Variants in HACD3 observed in about 807,000 individuals in gnomAD.
HACD3 encodes very-long-chain (3R)-3-hydroxyacyl-CoA dehydratase 3.
Under a neutral mutation model 55.2 loss-of-function variants are expected in HACD3, and 30 were observed. The observed-to-expected ratio is 0.54, with a 90% CI of 0.41 to 0.74. The LOEUF is 0.74. HACD3 is among the 30% of genes least tolerant of loss of function. The probability of loss-of-function intolerance (pLI) is 0.00; values close to 1 mark genes in which losing one functional copy is unlikely to be tolerated. For missense variants in HACD3, 363 were observed against 440.1 expected (o/e 0.82, Z 1.57); for synonymous variants, 141 against 151.7 (o/e 0.93, Z 0.52).
intron 1 of HACD3, 55 bp from the exon 2 acceptor site, chr15:65,551,621 C>A: frequency 6.2e-7 from 1 of 1,600,578 alleles, no homozygotes; most frequent in Non-Finnish European, 8.6e-7. Context: ...CTTGTTTAAT[C>A]TCATTTTTTC....
In HACD3 at chr15:65,564,122, A is replaced by G. The variant is rs1247597776; in HGVS notation, c.533-93A>G. 2.1e-6 allele frequency: 3 copies of G among 1,431,158 alleles called. No homozygotes were observed. In the South Asian group the frequency reaches 3.6e-5, roughly 17 times the overall value. The allele number at this position is 1,431,158 out of a possible 1,614,324, so 88.7% of individuals were successfully genotyped here. On this transcript the variant is annotated intron_variant, in intron 6 of 10. Transcript: ENST00000261875. ...TGGATGTTTGTTATTCCTTTCTTAC[A>G]GTTATTTTCACGAAAGGAGTAATCT...
intron 2 of HACD3, 54 bp from the exon 3 acceptor site, chr15:65,554,833 T>G: frequency 7.5e-7 from 1 of 1,324,618 alleles, no homozygotes; most frequent in Non-Finnish European, 1.1e-6. Flanking sequence ...AGCTGGCTTT[T>G]GGATGGCCTT....
At chr15:65,542,055 G>A (rs1178333052) in intron 1 of HACD3, among the ~76,000 whole-genome samples, 2 of 151,180 alleles carry the variant, frequency 1.3e-5, no homozygotes, top group Non-Finnish European at 3.0e-5. Flanking sequence ...ATGGTGAAAC[G>A]GTGTCTCTAC....
intron 5 of HACD3, among the ~76,000 whole-genome samples, chr15:65,559,549 C>G (rs1451217326): frequency 6.6e-6 from 1 of 151,100 alleles, no homozygotes; most frequent in Non-Finnish European, 1.5e-5. Flanking sequence ...AAACTGTGTT[C>G]CATGGTGCCC....
chr15:65,544,219 T>C (rs1353483564), intron 1 of HACD3, among the ~76,000 whole-genome samples: 1 of 151,816 alleles, frequency 6.6e-6, no homozygotes, highest in African/African-American at 2.4e-5. Flanking sequence ...GAGCCCATAG[T>C]GAAAGTAAAA....
intron 7 of HACD3, 175 bp downstream of exon 7, chr15:65,564,517 G>C (rs899823850): frequency 7.4e-6 from 6 of 811,492 alleles, no homozygotes; most frequent in Admixed American, 3.3e-5. Flanking sequence ...AAGGTCTCAC[G>C]ATCATGGTGG....
intron 1 of HACD3, among the ~76,000 whole-genome samples, chr15:65,542,783 TA>T (rs201911848): frequency 6.6e-6 from 1 of 151,464 alleles, no homozygotes; most frequent in African/African-American, 2.4e-5. Context: ...AAAATTGTCT[TA>T]AAAAAAACAG....
intron 8 of HACD3, 33 bp from the exon 9 acceptor site, chr15:65,571,515 G>C: frequency 2.0e-6 from 3 of 1,525,496 alleles, no homozygotes; most frequent in Non-Finnish European, 2.7e-6. Flanking sequence ...ACCTGAAGTG[G>C]CTTTTCACAT....
At chr15:65,571,861 G>A (rs776334623) in intron 9 of HACD3, among the ~76,000 whole-genome samples, 50 of 152,232 alleles carry the variant, frequency 3.3e-4, no homozygotes, top group Non-Finnish European at 6.0e-4. Context: ...TGGAAAGCCA[G>A]GTGGTTATGT....
rs1264231950 is a variant in HACD3 at position 65,576,365 on chromosome 15, A to G, written c.1075A>G (p.Lys359Glu). The G allele has an allele frequency of 6.2e-7, 1 of 1,600,374 alleles. No homozygotes were observed. The highest frequency in any genetic ancestry group is 1.3e-5 in the African/African-American group (1 of 74,580). The change falls in exon 11 of 11, where the codon AAA becomes GAA. Residue 359 changes from lysine (K) to glutamate (E), a missense_variant. By Grantham distance (56) the Lys-to-Glu change is moderately conservative. Coordinates refer to ENST00000261875, the MANE Select transcript of HACD3 (RefSeq NM_016395.4). ...CAGACGGCGCTATGGACAAAAAAAG[A>G]AAAAGATCCACTAAAAAGAAAGATT... ...QRRRRYGQKK[K>E]KIH
chr15:65,564,804 A>G (rs2072276464), intron 7 of HACD3: 1 of 155,032 alleles, frequency 6.5e-6, no homozygotes. Context: ...ATACCCTCAC[A>G]TTTCAAAACC....
chr15:65,571,697 G>A (rs775456604), intron 9 of HACD3, 43 bp downstream of exon 9: 37 of 1,458,646 alleles, frequency 2.5e-5, no homozygotes, highest in Non-Finnish European at 1.5e-5. Flanking sequence ...AGCTCCAGGG[G>A]GTACCCAGAG....
chr15:65,546,988 G>A (rs994151726), intron 1 of HACD3, among the ~76,000 whole-genome samples: 4 of 152,168 alleles, frequency 2.6e-5, no homozygotes, highest in Admixed American at 6.5e-5. Context: ...AGAAATCCAC[G>A]TATAAGCCTC....
chr15:65,533,839 C>A (rs1251626319), intron 1 of HACD3, among the ~76,000 whole-genome samples: 1 of 151,504 alleles, frequency 6.6e-6, no homozygotes. Context: ...ATCATGAGGT[C>A]AGGAGATCGA....
At chr15:65,547,994 T>C (rs2072093556) in intron 1 of HACD3, among the ~76,000 whole-genome samples, 1 of 152,190 alleles carries the variant, frequency 6.6e-6, no homozygotes, top group African/African-American at 2.4e-5. Flanking sequence ...AGGAAACTGT[T>C]GATTCTGATG....
At position 65,572,278 on chromosome 15, in the gene HACD3, A is replaced by G. The variant is rs775618115; in HGVS notation, c.924A>G (p.Gly308=). 6.2e-7 allele frequency: 1 copy of G among 1,613,416 alleles called. No individual in the cohort carries two copies. Among genetic ancestry groups the G allele is most frequent in the South Asian group, 1.1e-5 (1 of 90,834 alleles). The change falls in exon 10 of 11, where the codon GGA becomes GGG. Residue 308 remains glycine, a synonymous_variant. Transcript: ENST00000261875. ...CCATTCCAATATTCAATGAGACCGG[A>G]CGATTCAGTTTCACATTGCCATATC... The part of the protein sequence containing the change: ...IQSIPIFNET[G]RFSFTLPYPV...
chr15:65,543,125 C>G (rs2072038856), intron 1 of HACD3, among the ~76,000 whole-genome samples: 1 of 149,796 alleles, frequency 6.7e-6, no homozygotes, highest in South Asian at 2.1e-4. Flanking sequence ...ATAAACAGAA[C>G]CAAAAGGACC....
chr15:65,561,493 C>T (rs546353918), intron 5 of HACD3, among the ~76,000 whole-genome samples: 8 of 151,974 alleles, frequency 5.3e-5, no homozygotes, highest in South Asian at 2.1e-4. Flanking sequence ...AAAATTGAGC[C>T]GGAGCTGAGG....
At chr15:65,571,515 G>T (rs771518194) in intron 8 of HACD3, 33 bp from the exon 9 acceptor site, 3 of 1,525,496 alleles carry the variant, frequency 2.0e-6, no homozygotes, top group Non-Finnish European at 2.7e-6. Context: ...ACCTGAAGTG[G>T]CTTTTCACAT....
Sources: allele counts gnomAD v4.1 joint callset (sites outside exome capture counted in the v4.1 genomes callset), GRCh38; gene constraint gnomAD v4.1.1; transcripts MANE v1.5; gene names NCBI Gene and HGNC (gene_info 2026-07-23, HGNC 2026-07-21).